The following BCL2L1 variants were observed in gnomAD, a reference collection of about 807,000 sequenced individuals.
The protein encoded by BCL2L1 is bcl-2-like protein 1.
Under a neutral mutation model 18.7 loss-of-function variants are expected in BCL2L1, and 1 was observed. The ratio of observed to expected loss-of-function variants is 0.05; its 90% CI spans 0.02 to 0.25. BCL2L1 has a LOEUF of 0.25. Ranked by LOEUF, BCL2L1 falls within the 10% of genes least tolerant of loss-of-function variation. The probability of loss-of-function intolerance (pLI) is 1.00; values close to 1 mark genes in which losing one functional copy is unlikely to be tolerated. For missense variants in BCL2L1, 207 were observed against 304.9 expected, an observed-to-expected ratio of 0.68 and a Z score of 2.39; for synonymous variants, 103 against 122.7, an observed-to-expected ratio of 0.84 and a Z score of 1.06.
Position 31,665,841 on chromosome 20 carries a change from G to T in BCL2L1, c.*108C>A. The T allele has an allele frequency of 1.4e-6, 2 of 1,426,782 alleles. No individual in the cohort carries two copies. Among genetic ancestry groups the T allele is most frequent in the East Asian group, 4.6e-5 (2 of 43,368 alleles). The allele number at this position is 1,426,782 out of a possible 1,614,324, so 88.4% of individuals were successfully genotyped here. A position where few individuals can be genotyped will look rare whatever the true frequency, so the allele number is the denominator to read the frequency against. Reference sequence around the variant, plus strand: ...GGGCCCAACCCTGTGATGGGCAGGTGGGCATGGGCTGCATGTAGTGGTTCT... The same window carrying T: ...GGGCCCAACCCTGTGATGGGCAGGTTGGCATGGGCTGCATGTAGTGGTTCT... On this transcript the variant is annotated 3_prime_UTR_variant, in exon 3 of 3. Transcript: ENST00000307677.
At chr20:31,684,577 C>A (rs1255878605) in intron 2 of BCL2L1, among the ~76,000 whole-genome samples, 1 of 152,144 alleles carries the variant, frequency 6.6e-6, no homozygotes, top group African/African-American at 2.4e-5. Context: ...AGCAGAAGCA[C>A]CACCAATCCA....
At chr20:31,697,050 CAAAA>C (rs1161266730) in intron 2 of BCL2L1, among the ~76,000 whole-genome samples, 3 of 76,842 alleles carry the variant, frequency 3.9e-5, no homozygotes, top group Admixed American at 1.6e-4. Context: ...GACTCTATCT[CAAAA>C]AAAAAAAAAA....
At chr20:31,715,332 G>A (rs940748042) in intron 2 of BCL2L1, among the ~76,000 whole-genome samples, 5 of 150,854 alleles carry the variant, frequency 3.3e-5, no homozygotes, top group Non-Finnish European at 5.9e-5. Flanking sequence ...ATCATGGTCT[G>A]TAATGCTGTA....
intron 2 of BCL2L1, among the ~76,000 whole-genome samples, chr20:31,719,926 A>C (rs1378829714): frequency 6.6e-6 from 1 of 152,246 alleles, no homozygotes; most frequent in Admixed American, 6.5e-5. Context: ...TGTCTGCAGT[A>C]CTGGAATCCT....
At chr20:31,667,602 C>T (rs1463917173) in intron 2 of BCL2L1, among the ~76,000 whole-genome samples, 1 of 151,548 alleles carries the variant, frequency 6.6e-6, no homozygotes, top group African/African-American at 2.4e-5. Context: ...CCCAAATGGC[C>T]GAGTGGCTGC....
At chr20:31,708,995 T>C (rs1043123431) in intron 2 of BCL2L1, among the ~76,000 whole-genome samples, 1 of 152,198 alleles carries the variant, frequency 6.6e-6, no homozygotes, top group Non-Finnish European at 1.5e-5. Context: ...AGGTTGCAGG[T>C]GCCTCTGGCT....
At chr20:31,672,719 G>A (rs2060690756) in intron 2 of BCL2L1, among the ~76,000 whole-genome samples, 2 of 152,218 alleles carry the variant, frequency 1.3e-5, no homozygotes, top group Admixed American at 1.3e-4. Context: ...CTGTGACCCT[G>A]TAGAAGTCAG....
Position 31,665,960 on chromosome 20 carries a change from T to C in BCL2L1, c.691A>G (p.Ser231Gly). ...AGVVLLGSLF[S>G]RK is the part of the protein sequence containing the mutation. Reference sequence around the variant, plus strand: ...TGGTCAGTGTCTGGTCATTTCCGACTGAAGAGTGAGCCCAGCAGAACCACG... The same window carrying C: ...TGGTCAGTGTCTGGTCATTTCCGACCGAAGAGTGAGCCCAGCAGAACCACG... Residue 231 changes from serine to glycine, a missense_variant, in exon 3 of 3, where the codon AGT becomes GGT. Ser to Gly is a moderately conservative substitution (Grantham distance 56). Coordinates refer to ENST00000307677, the MANE Select transcript of BCL2L1 (RefSeq NM_138578.3). 6 of 1,613,684 alleles carry C rather than the reference T, an allele frequency of 3.7e-6. 1 individual carries two copies. In the South Asian group the frequency reaches 5.5e-5, roughly 15 times the overall value.
intron 2 of BCL2L1, among the ~76,000 whole-genome samples, chr20:31,703,064 GAC>G (rs1568885778): frequency 1.3e-5 from 2 of 151,808 alleles, no homozygotes; most frequent in Admixed American, 6.6e-5. Flanking sequence ...AATTTTTTGA[GAC>G]AGAGTTTTGC....
intron 2 of BCL2L1, among the ~76,000 whole-genome samples, chr20:31,682,543 T>C (rs1418792257): frequency 6.6e-6 from 1 of 152,186 alleles, no homozygotes; most frequent in Non-Finnish European, 1.5e-5. Context: ...CCTCCCAGGC[T>C]CAAGCAATCC....
intron 2 of BCL2L1, among the ~76,000 whole-genome samples, chr20:31,676,552 T>C (rs985811557): frequency 1.3e-5 from 2 of 152,158 alleles, no homozygotes; most frequent in African/African-American, 4.8e-5. Flanking sequence ...CTCCCTATTC[T>C]TTCGTAAGTA....
chr20:31,703,113 T>C (rs1600875010), intron 2 of BCL2L1, among the ~76,000 whole-genome samples: 3 of 150,790 alleles, frequency 2.0e-5, no homozygotes, highest in East Asian at 2.0e-4. Flanking sequence ...GGTGCAATCT[T>C]GGCTCACTGC....
At chr20:31,685,802 A>T (rs1271076696) in intron 2 of BCL2L1, among the ~76,000 whole-genome samples, 1 of 152,156 alleles carries the variant, frequency 6.6e-6, no homozygotes, top group Non-Finnish European at 1.5e-5. Flanking sequence ...CAAAAGACTG[A>T]GTTCTAATCT....
intron 2 of BCL2L1, among the ~76,000 whole-genome samples, chr20:31,720,345 G>T (rs745731647): frequency 6.6e-6 from 1 of 152,192 alleles, no homozygotes; most frequent in Non-Finnish European, 1.5e-5. Flanking sequence ...TGAGTCCATG[G>T]TGCATGTCCC....
At chr20:31,694,631 T>G (rs1405572952) in intron 2 of BCL2L1, among the ~76,000 whole-genome samples, 1 of 152,114 alleles carries the variant, frequency 6.6e-6, no homozygotes, top group Non-Finnish European at 1.5e-5. Context: ...TAGAGCTAAC[T>G]CTTACTGAAG....
intron 2 of BCL2L1, among the ~76,000 whole-genome samples, chr20:31,668,604 T>C (rs74819599): frequency 1.1e-5 from 1 of 95,036 alleles, no homozygotes; most frequent in African/African-American, 4.0e-5. Flanking sequence ...ATATCTGGCC[T>C]TTTTTTTTTT....
chr20:31,693,952 TA>T (rs535294694), intron 2 of BCL2L1, among the ~76,000 whole-genome samples: 97 of 147,636 alleles, frequency 6.6e-4, no homozygotes, highest in South Asian at 1.7e-3. Flanking sequence ...TAAATTTCTT[TA>T]AAAAAAAAAA....
chr20:31,723,573 C>T (rs2061670785), upstream of BCL2L1: 1 of 984,514 alleles, frequency 1.0e-6, no homozygotes, highest in Non-Finnish European at 1.2e-6. Context: ...CAACCGCCCT[C>T]CCCCGGGGGC....
At chr20:31,667,792 C>T (rs1000962192) in intron 2 of BCL2L1, among the ~76,000 whole-genome samples, 1 of 152,138 alleles carries the variant, frequency 6.6e-6, no homozygotes, top group Non-Finnish European at 1.5e-5. Context: ...CTTAGAAGGG[C>T]AGCATCATTT....
Sources: allele counts gnomAD v4.1 joint callset (sites outside exome capture counted in the v4.1 genomes callset), GRCh38; gene constraint gnomAD v4.1.1; transcripts MANE v1.5; gene names NCBI Gene and HGNC (gene_info 2026-07-23, HGNC 2026-07-21).